The following AP3B1 variants were observed in gnomAD, a reference collection of about 807,000 sequenced individuals.
AP3B1 encodes the protein AP-3 complex subunit beta-1.
In AP3B1, 61 loss-of-function variants were observed where a neutral mutation model predicts 132.5. The observed-to-expected ratio is 0.46, with a 90% CI of 0.37 to 0.57. AP3B1 has a LOEUF of 0.57. Among genes scored for constraint, AP3B1 ranks in the 20% least tolerant of loss-of-function variants. The pLI is 0.00. For synonymous variants in AP3B1, 388 were observed against 438.3 expected (o/e 0.89, Z 1.43); for missense variants, 1,120 against 1,289.4 (o/e 0.87, Z 2.01).
At chr5:78,025,176 A>C (rs1409334769) in intron 24 of AP3B1, among the ~76,000 whole-genome samples, 1 of 152,186 alleles carries the variant, frequency 6.6e-6, no homozygotes, top group African/African-American at 2.4e-5. Flanking sequence ...GAGTTACATC[A>C]TTATTTACAA....
In AP3B1 at chr5:78,250,698, G is replaced by C. The variant is rs572853594; in HGVS notation, c.205-9762C>G. Among the ~76,000 whole-genome samples, 4 of 152,214 alleles carry C rather than the reference G, an allele frequency of 2.6e-5. No homozygotes were observed. The East Asian group carries it at 7.7e-4, about 29-fold the overall frequency. ...TATGAATAAATTATATGGGGAAAAA[G>C]TTGGATATAAAAGAGAAAAACCATG... is the stretch of plus-strand genomic sequence containing the variant. On this transcript the variant is annotated intron_variant, in intron 2 of 26. Coordinates refer to ENST00000255194, the MANE Select transcript of AP3B1 (RefSeq NM_003664.5).
intron 1 of AP3B1, among the ~76,000 whole-genome samples, chr5:78,272,679 A>C (rs1748596461): frequency 6.6e-6 from 1 of 152,252 alleles, no homozygotes; most frequent in Non-Finnish European, 1.5e-5. Context: ...AAAGGAAAGA[A>C]GGAGGCAATT....
chr5:78,177,600 G>C (rs1372502966), intron 8 of AP3B1, among the ~76,000 whole-genome samples, 164 bp from the exon 9 acceptor site: 1 of 152,120 alleles, frequency 6.6e-6, no homozygotes, highest in Non-Finnish European at 1.5e-5. Context: ...CCCACTCCCA[G>C]TGCCCAATAC....
chr5:78,241,547 A>C (rs6865361), intron 2 of AP3B1, among the ~76,000 whole-genome samples: 55,456 of 151,924 alleles, frequency 0.37, 10,349 homozygotes, highest in African/African-American at 0.44. Flanking sequence ...AATTATGTGA[A>C]CCTTTGCTTT....
intron 11 of AP3B1, among the ~76,000 whole-genome samples, chr5:78,172,640 T>G (rs1374294238): frequency 6.6e-6 from 1 of 152,258 alleles, no homozygotes. Flanking sequence ...TCCATTAGTC[T>G]TGCTAGCAGT....
At chr5:78,040,919 A>G (rs993177429) in intron 22 of AP3B1, among the ~76,000 whole-genome samples, 1 of 152,220 alleles carries the variant, frequency 6.6e-6, no homozygotes, top group Admixed American at 6.5e-5. Context: ...CCTTCTAAGC[A>G]TCATCAAAAC....
At chr5:78,099,758 G>A (rs1442338498) in intron 21 of AP3B1, among the ~76,000 whole-genome samples, 1 of 151,892 alleles carries the variant, frequency 6.6e-6, no homozygotes, top group Admixed American at 6.6e-5. Context: ...AATTAGCTGG[G>A]CGTGATGGTA....
intron 22 of AP3B1, among the ~76,000 whole-genome samples, chr5:78,054,178 G>A (rs1229440558): frequency 2.0e-5 from 3 of 152,146 alleles, no homozygotes; most frequent in Non-Finnish European, 4.4e-5. Flanking sequence ...GAATTGAAAG[G>A]ACGAAAAACT....
chr5:78,084,501 G>A (rs1750146495), intron 22 of AP3B1, among the ~76,000 whole-genome samples: 1 of 128,284 alleles, frequency 7.8e-6, no homozygotes, highest in South Asian at 2.4e-4. Flanking sequence ...TCCAACCTGG[G>A]CGACAGAGCC....
chr5:78,039,802 AG>A (rs1357970533), intron 22 of AP3B1, among the ~76,000 whole-genome samples: 73 of 150,150 alleles, frequency 4.9e-4, no homozygotes, highest in African/African-American at 1.7e-3. Flanking sequence ...AGAAAAGAAA[AG>A]AAAAAAAAAA....
chr5:78,155,742 A>G (rs1462393947), intron 14 of AP3B1, among the ~76,000 whole-genome samples: 1 of 151,102 alleles, frequency 6.6e-6, no homozygotes, highest in African/African-American at 2.4e-5. Flanking sequence ...TCAGTTATGG[A>G]TTTTTTTTTA....
At chr5:78,008,292 A>T (rs1746479876) in intron 26 of AP3B1, among the ~76,000 whole-genome samples, 1 of 152,212 alleles carries the variant, frequency 6.6e-6, no homozygotes, top group Non-Finnish European at 1.5e-5. Context: ...CATCAAGAAT[A>T]CCTTTCTTTC....
chr5:78,134,149 C>CAAAAAAAAAAAAAAAAAAAA lies in AP3B1; in HGVS notation c.1651-4843_1651-4842insTTTTTTTTTTTTTTTTTTTT, dbSNP rs397961933. On this transcript the variant is annotated intron_variant, in intron 15 of 26. Transcript: ENST00000255194. Reference sequence around the variant, plus strand: ...CCGGGCGACACAGCAAGACTCGCCTCAAAAAAAAAAAAAAAAAGAAATACA... The same window carrying CAAAAAAAAAAAAAAAAAAAA: ...CCGGGCGACACAGCAAGACTCGCCTCAAAAAAAAAAAAAAAAAAAAAAAAAAAAAAAAAAAAAGAAATACA... 7.3e-4 allele frequency among the ~76,000 whole-genome samples: 54 copies of CAAAAAAAAAAAAAAAAAAAA among 74,168 alleles called. 1 individual carries two copies. Among genetic ancestry groups the CAAAAAAAAAAAAAAAAAAAA allele is most frequent in the African/African-American group, 2.0e-3 (37 of 18,266 alleles). The allele number at this position is 74,168 out of a possible 152,430, so 48.7% of individuals were successfully genotyped here. A position where few individuals can be genotyped will look rare whatever the true frequency, so the allele number is the denominator to read the frequency against.
intron 8 of AP3B1, among the ~76,000 whole-genome samples, chr5:78,180,646 G>C (rs1434458260): frequency 1.3e-5 from 2 of 151,882 alleles, no homozygotes; most frequent in African/African-American, 4.8e-5. Context: ...AAAATAAAAA[G>C]TAGAGAGGAC....
At chr5:78,227,638 G>T in intron 4 of AP3B1, 106 bp from the exon 5 acceptor site, 1 of 1,004,908 alleles carries the variant, frequency 1.0e-6, no homozygotes, top group South Asian at 1.4e-5. Context: ...TATGACAATA[G>T]CAAAAGAAAG....
At chr5:78,007,421 C>T (rs888218877) in intron 26 of AP3B1, among the ~76,000 whole-genome samples, 1 of 150,874 alleles carries the variant, frequency 6.6e-6, no homozygotes, top group East Asian at 2.0e-4. Context: ...GACAATGACC[C>T]ACTCAGGCTA....
intron 20 of AP3B1, among the ~76,000 whole-genome samples, chr5:78,104,157 T>G (rs549076956): frequency 1.1e-4 from 16 of 152,250 alleles, no homozygotes; most frequent in Admixed American, 8.5e-4. Flanking sequence ...GACAAGATAT[T>G]TGCATGAAAT....
chr5:78,232,389 C>T lies in AP3B1; in HGVS notation c.280-4150G>A, dbSNP rs147710267. Among the ~76,000 whole-genome samples the T allele has an allele frequency of 3.3e-3, 503 of 152,280 alleles. 2 individuals are homozygous for T. The highest frequency in any genetic ancestry group is 0.012 in the African/African-American group (481 of 41,558). ...GTGAAAGTTAGCCAGTCAGGAACAACTGCACTCCCATACACCCACCTCTGA... is the reference window on the plus strand; with the variant it reads ...GTGAAAGTTAGCCAGTCAGGAACAATTGCACTCCCATACACCCACCTCTGA... On this transcript the variant is annotated intron_variant, in intron 3 of 26. Coordinates refer to ENST00000255194, the MANE Select transcript of AP3B1 (RefSeq NM_003664.5).
chr5:78,210,173 A>T (rs1261453534), intron 7 of AP3B1, among the ~76,000 whole-genome samples: 1 of 152,124 alleles, frequency 6.6e-6, no homozygotes, highest in Non-Finnish European at 1.5e-5. Context: ...AGAATCGTGG[A>T]TCTATAGTCC....
Sources: allele counts gnomAD v4.1 joint callset (sites outside exome capture counted in the v4.1 genomes callset), GRCh38; gene constraint gnomAD v4.1.1; transcripts MANE v1.5; gene names NCBI Gene and HGNC (gene_info 2026-07-23, HGNC 2026-07-21).